Variants in CHD6 observed in about 807,000 individuals in gnomAD.
CHD6 encodes chromodomain helicase DNA binding protein 6.
A neutral mutation model predicts 276.9 loss-of-function variants in CHD6; 50 were observed. That is an observed-to-expected ratio of 0.18 (90% CI 0.14 to 0.23). The LOEUF (loss-of-function observed/expected upper bound fraction) is 0.23, where lower values mean the gene tolerates loss of function less well. Among genes scored for constraint, CHD6 ranks in the 10% least tolerant of loss-of-function variants. The pLI, the probability that CHD6 is intolerant of heterozygous loss-of-function variation, is 1.00. For missense variants in CHD6, 2,564 were observed against 3,365.8 expected (o/e 0.76, Z 5.89); for synonymous variants, 1,173 against 1,229.3 (o/e 0.95, Z 0.96).
chr20:41,605,099 T>G (rs146540787), intron 1 of CHD6, among the ~76,000 whole-genome samples: 1 of 152,282 alleles, frequency 6.6e-6, no homozygotes, highest in East Asian at 1.9e-4. Context: ...GGGTGAAGCA[T>G]TACTGTGTCT....
chr20:41,582,546 A>G (rs73613214), intron 1 of CHD6, among the ~76,000 whole-genome samples: 3,400 of 152,308 alleles, frequency 0.022, 46 homozygotes, highest in South Asian at 0.041. Context: ...TGTCCATCTC[A>G]GTCTCTATTG....
chr20:41,454,671 T>C lies in CHD6; in HGVS notation c.3075A>G (p.Lys1025=), dbSNP rs762900891. The part of the protein sequence containing the change: ...ISLDDPNFWQ[K]WAKIAELDTE... ...TGTCTAGTTCAGCTATTTTAGCCCATTTCTGCCAAAAGTTAGGATCATCTA... is the reference window on the plus strand; with the variant it reads ...TGTCTAGTTCAGCTATTTTAGCCCACTTCTGCCAAAAGTTAGGATCATCTA... The change falls in exon 20 of 37, where the codon AAA becomes AAG. Residue 1025 remains lysine (K), a synonymous_variant. Transcript: ENST00000373233. 1 of 1,614,004 alleles carries C rather than the reference T, an allele frequency of 6.2e-7. No individual in the cohort carries two copies. Among genetic ancestry groups the C allele is most frequent in the Non-Finnish European group, 8.5e-7 (1 of 1,179,942 alleles).
chr20:41,509,100 A>AG (rs1423571577), intron 5 of CHD6, among the ~76,000 whole-genome samples: 1 of 152,208 alleles, frequency 6.6e-6, no homozygotes, highest in Non-Finnish European at 1.5e-5. Context: ...CAATCTGATT[A>AG]GGGGAACAAT....
At chr20:41,542,430 T>C (rs2044961170) in intron 2 of CHD6, among the ~76,000 whole-genome samples, 2 of 152,148 alleles carry the variant, frequency 1.3e-5, no homozygotes, top group Admixed American at 6.5e-5. Flanking sequence ...CAGTGGCTCA[T>C]GCCTGTAATC....
At chr20:41,601,458 A>G (rs567196606) in intron 1 of CHD6, among the ~76,000 whole-genome samples, 1 of 152,300 alleles carries the variant, frequency 6.6e-6, no homozygotes, top group African/African-American at 2.4e-5. Context: ...ATTCTCTAGG[A>G]CAGTGTTATT....
chr20:41,527,703 T>A (rs564016525), intron 3 of CHD6, among the ~76,000 whole-genome samples: 131 of 152,328 alleles, frequency 8.6e-4, no homozygotes, highest in African/African-American at 3.0e-3. Context: ...AAAACTGTTG[T>A]TGAGCACAGA....
At chr20:41,533,028 G>C in intron 3 of CHD6, 22 bp downstream of exon 3, 1 of 1,560,126 alleles carries the variant, frequency 6.4e-7, no homozygotes, top group Non-Finnish European at 8.6e-7. Flanking sequence ...CAAGTGCTCA[G>C]AGAAGGGAGA....
rs2045486416 is a variant in CHD6, at chr20:41,577,421, C to T, written c.-23-26061G>A. 2.6e-5 allele frequency among the ~76,000 whole-genome samples: 4 copies of T among 152,132 alleles called. No homozygotes were observed. The South Asian group carries it at 8.3e-4, about 32-fold the overall frequency. On this transcript the variant is annotated intron_variant, in intron 1 of 36. Coordinates refer to ENST00000373233, the MANE Select transcript of CHD6 (RefSeq NM_032221.5). ...TGAATCTGTGACCTCAAGCTGTCTG[C>T]TACGTTTCTCTTGATTTTTCCATCT...
At chr20:41,462,493 C>A (rs553470641) in intron 17 of CHD6, among the ~76,000 whole-genome samples, 3 of 152,256 alleles carry the variant, frequency 2.0e-5, no homozygotes, top group Non-Finnish European at 4.4e-5. Flanking sequence ...GTTAGCAATC[C>A]TGAAACTACT....
chr20:41,504,765 C>A (rs1251051556), intron 5 of CHD6, among the ~76,000 whole-genome samples: 2 of 152,152 alleles, frequency 1.3e-5, no homozygotes, highest in Non-Finnish European at 2.9e-5. Flanking sequence ...TTTCCTCCTG[C>A]CAACTCTAAT....
At chr20:41,614,940 C>T (rs952428471) in intron 1 of CHD6, among the ~76,000 whole-genome samples, 7 of 152,224 alleles carry the variant, frequency 4.6e-5, no homozygotes, top group African/African-American at 1.7e-4. Context: ...TGTATTCCAA[C>T]ACTCCTCTTC....
chr20:41,572,416 C>T (rs193045673), intron 1 of CHD6, among the ~76,000 whole-genome samples: 73 of 152,148 alleles, frequency 4.8e-4, no homozygotes, highest in Admixed American at 8.5e-4. Context: ...CCTGTAGACA[C>T]GGACAGCAGG....
intron 2 of CHD6, among the ~76,000 whole-genome samples, chr20:41,543,827 T>G (rs2044990728): frequency 4.6e-5 from 7 of 152,210 alleles, no homozygotes; most frequent in Admixed American, 4.6e-4. Flanking sequence ...AGTTCCTGGA[T>G]AGTAAGTTCA....
chr20:41,445,629 T>G (rs921414820), intron 25 of CHD6, 36 bp downstream of exon 25: 4 of 1,409,042 alleles, frequency 2.8e-6, no homozygotes, highest in Non-Finnish European at 3.0e-6. Context: ...TGGGGGAAAC[T>G]GATACAGAAG....
chr20:41,605,770 A>G (rs2045821020), intron 1 of CHD6, among the ~76,000 whole-genome samples: 1 of 152,000 alleles, frequency 6.6e-6, no homozygotes, highest in Non-Finnish European at 1.5e-5. Flanking sequence ...AAATTGACAA[A>G]ATTTCATCTC....
At chr20:41,444,241 A>G (rs2047993963) in intron 25 of CHD6, among the ~76,000 whole-genome samples, 2 of 152,196 alleles carry the variant, frequency 1.3e-5, no homozygotes, top group East Asian at 1.9e-4. Context: ...ACTTCCTTCT[A>G]CTTTGGAGCT....
rs910109957 is a variant in CHD6 at position 41,405,488 on chromosome 20, C to T, written c.7253G>A (p.Gly2418Glu). 1 of 1,543,140 alleles carries T rather than the reference C, an allele frequency of 6.5e-7. No homozygotes were observed. Among genetic ancestry groups the T allele is most frequent in the African/African-American group, 1.4e-5 (1 of 72,238 alleles). ...PAIPKEPGLRGFLPENKFNHT... is the reference protein window; with the variant it reads ...PAIPKEPGLREFLPENKFNHT... ...ATTGAACTTGTTTTCTGGAAGAAAC[C>T]CCTGGAAAAACAAAGAAACACAAAA... Residue 2418 changes from glycine to glutamate, a missense_variant and splice_region_variant, in exon 37 of 37, where the codon GGG (glycine) becomes GAG (glutamate). Gly to Glu is a moderately conservative substitution (Grantham distance 98). Transcript: ENST00000373233.
chr20:41,606,160 G>C (rs767377432), intron 1 of CHD6, among the ~76,000 whole-genome samples: 25 of 151,980 alleles, frequency 1.6e-4, no homozygotes. Flanking sequence ...GGCGAATCAC[G>C]AGGTCAGGAG....
intron 18 of CHD6, 94 bp downstream of exon 18, chr20:41,457,170 A>G (rs866879473): frequency 1.9e-5 from 28 of 1,442,884 alleles, no homozygotes; most frequent in Middle Eastern, 1.8e-4. Context: ...CAATGCAGCG[A>G]AAGTGAACCC....
Sources: allele counts gnomAD v4.1 joint callset (sites outside exome capture counted in the v4.1 genomes callset), GRCh38; gene constraint gnomAD v4.1.1; transcripts MANE v1.5; gene names NCBI Gene and HGNC (gene_info 2026-07-23, HGNC 2026-07-21).